Variants in EHMT1 observed in about 807,000 individuals in gnomAD.
The protein encoded by EHMT1 is euchromatic histone lysine methyltransferase 1, also known as histone-lysine N-methyltransferase EHMT1.
Under a neutral mutation model 147.2 loss-of-function variants are expected in EHMT1, and 15 were observed. The ratio of observed to expected loss-of-function variants is 0.10; its 90% CI spans 0.07 to 0.16. EHMT1 has a LOEUF of 0.16. Among genes scored for constraint, EHMT1 ranks in the 10% least tolerant of loss-of-function variants. The pLI is 1.00. For synonymous variants in EHMT1, 795 were observed against 709.6 expected (o/e 1.12, Z -1.91); for missense variants, 1,587 against 1,772.4 (o/e 0.90, Z 1.88).
Position 137,815,508 on chromosome 9 carries a change from G to A in EHMT1, c.3259-439G>A, listed in dbSNP as rs996060762. 4 of 287,078 alleles carry A rather than the reference G, an allele frequency of 1.4e-5. No homozygotes were observed. In the South Asian group the frequency reaches 1.4e-4, roughly 10 times the overall value. The allele number at this position is 287,078 out of a possible 1,614,324, so 17.8% of individuals were successfully genotyped here. A position where few individuals can be genotyped will look rare whatever the true frequency, so the allele number is the denominator to read the frequency against. ...GCTGTACCTGGCCTGGCTTCAGGGG[G>A]GTAGAAAGGGGAGCAGAGGGCTGGG... On this transcript the variant is annotated intron_variant, in intron 22 of 26. Coordinates refer to ENST00000460843, the MANE Select transcript of EHMT1 (RefSeq NM_024757.5).
At chr9:137,675,779 A>ATTT (rs781380107) in intron 1 of EHMT1, among the ~76,000 whole-genome samples, 16 of 95,740 alleles carry the variant, frequency 1.7e-4, no homozygotes, top group Admixed American at 7.3e-4. Context: ...CGCCCGGCTA[A>ATTT]TTTTTTTTTT....
Position 137,754,218 on chromosome 9 carries a change from G to C in EHMT1, c.1296G>C (p.Lys432Asn). The C allele has an allele frequency of 1.2e-6, 2 of 1,614,152 alleles. No individual in the cohort carries two copies. Among genetic ancestry groups the C allele is most frequent in the Non-Finnish European group, 1.7e-6 (2 of 1,180,022 alleles). The part of the protein sequence containing the change: ...IKKKFLKRKG[K>N]TDSPWIKPAR... The stretch of plus-strand genomic sequence containing the variant: ...AGAAATTTCTCAAGAGGAAAGGAAA[G>C]ACCGACAGTCCCTGGATCAAGCCAG... Residue 432 changes from lysine (K) to asparagine (N), a missense_variant, in exon 8 of 27, where the codon AAG (lysine) becomes AAC (asparagine). Physicochemically the swap from Lys to Asn is moderately conservative, Grantham distance 94. This residue lies in a region of EHMT1 where 810 missense variants were observed against 673.0 expected (regional missense o/e 1.20). Coordinates refer to ENST00000460843, the MANE Select transcript of EHMT1 (RefSeq NM_024757.5).
chr9:137,800,149 G>A (rs1003713318), intron 17 of EHMT1, among the ~76,000 whole-genome samples: 2 of 152,254 alleles, frequency 1.3e-5, no homozygotes, highest in Non-Finnish European at 2.9e-5. Context: ...TTTGACGGGT[G>A]CTGGGGAAGA....
At chr9:137,734,608 G>C (rs1188269554) in intron 4 of EHMT1, among the ~76,000 whole-genome samples, 1 of 152,182 alleles carries the variant, frequency 6.6e-6, no homozygotes, top group Non-Finnish European at 1.5e-5. Context: ...AGGGAACCTG[G>C]TGAACTCCAG....
At chr9:137,709,230 C>T (rs1338565186) in intron 1 of EHMT1, among the ~76,000 whole-genome samples, 2 of 152,090 alleles carry the variant, frequency 1.3e-5, no homozygotes, top group Non-Finnish European at 2.9e-5. Flanking sequence ...CGGAGAGCTC[C>T]TGTTGGGGGG....
intron 7 of EHMT1, among the ~76,000 whole-genome samples, 159 bp from the exon 8 acceptor site, chr9:137,754,012 C>T (rs993026882): frequency 3.9e-5 from 6 of 152,266 alleles, no homozygotes; most frequent in Admixed American, 3.3e-4. Flanking sequence ...TGCCTTTAAG[C>T]GTGTGACCCA....
intron 13 of EHMT1, 61 bp downstream of exon 13, chr9:137,778,116 T>G: frequency 1.2e-6 from 2 of 1,601,232 alleles, no homozygotes; most frequent in South Asian, 1.1e-5. Context: ...GCACCCCGCG[T>G]TTTTCCCCAT....
chr9:137,817,927 C>T, intron 24 of EHMT1, 133 bp from the exon 25 acceptor site: 1 of 885,446 alleles, frequency 1.1e-6, no homozygotes, highest in East Asian at 2.5e-5. Context: ...GGGCACACCT[C>T]TCTAAACATG....
intron 1 of EHMT1, among the ~76,000 whole-genome samples, chr9:137,621,399 C>T (rs1842933926): frequency 6.6e-6 from 1 of 152,206 alleles, no homozygotes. Context: ...AATACATTTT[C>T]CTACCAAAAA....
At chr9:137,632,756 A>G (rs1238451243) in intron 1 of EHMT1, among the ~76,000 whole-genome samples, 1 of 152,158 alleles carries the variant, frequency 6.6e-6, no homozygotes, top group Non-Finnish European at 1.5e-5. Context: ...GGCCTAGACC[A>G]CTTCTTCAAG....
intron 1 of EHMT1, among the ~76,000 whole-genome samples, chr9:137,679,991 C>G (rs1006383813): frequency 1.3e-5 from 2 of 152,188 alleles, no homozygotes; most frequent in African/African-American, 4.8e-5. Flanking sequence ...GCCTCAGTGT[C>G]TCAGTGAGTG....
intron 1 of EHMT1, among the ~76,000 whole-genome samples, chr9:137,635,527 T>G (rs999785819): frequency 6.6e-6 from 1 of 151,162 alleles, no homozygotes; most frequent in African/African-American, 2.4e-5. Flanking sequence ...CAGTTTTCTT[T>G]AACATTTTCA....
chr9:137,730,933 ATTTG>A (rs1315897918), intron 4 of EHMT1, among the ~76,000 whole-genome samples: 1 of 152,198 alleles, frequency 6.6e-6, no homozygotes, highest in Non-Finnish European at 1.5e-5. Context: ...ACGTAATTTT[ATTTG>A]TTTGAAACAG....
chr9:137,682,690 C>T (rs1589244555), intron 1 of EHMT1, among the ~76,000 whole-genome samples: 2 of 152,226 alleles, frequency 1.3e-5, no homozygotes, highest in African/African-American at 2.4e-5. Context: ...TTCTGTGTGC[C>T]GCCTTCCCCG....
At chr9:137,766,108 A>G (rs1375751689) in intron 10 of EHMT1, among the ~76,000 whole-genome samples, 2 of 152,162 alleles carry the variant, frequency 1.3e-5, no homozygotes, top group Middle Eastern at 3.4e-3. Context: ...AAACTTAAAC[A>G]GCCTTACAAG....
At position 137,725,888 on chromosome 9, in the gene EHMT1, C is replaced by T. The variant is rs375866862; in HGVS notation, c.643-2461C>T. Among the ~76,000 whole-genome samples the T allele has an allele frequency of 5.5e-4, 84 of 152,262 alleles. 1 individual carries two copies. The highest frequency in any genetic ancestry group is 2.0e-3 in the African/African-American group (81 of 41,526). On this transcript the variant is annotated intron_variant, in intron 3 of 26. Transcript: ENST00000460843. ...GCCAAGCCAGGTGCTACCCTGTTCT[C>T]CTCCGTGTGCTCTTGCCTGGAACTC...
chr9:137,742,076 G>T (rs908112166), intron 4 of EHMT1, among the ~76,000 whole-genome samples: 1 of 152,204 alleles, frequency 6.6e-6, no homozygotes, highest in Non-Finnish European at 1.5e-5. Context: ...TGTTGGCTGT[G>T]TGCTCCGAGC....
At chr9:137,649,406 G>A (rs1845143104) in intron 1 of EHMT1, among the ~76,000 whole-genome samples, 1 of 152,114 alleles carries the variant, frequency 6.6e-6, no homozygotes, top group East Asian at 1.9e-4. Flanking sequence ...GTGGCAGTGA[G>A]CTGAGATCGC....
intron 3 of EHMT1, among the ~76,000 whole-genome samples, chr9:137,727,666 G>T (rs920085428): frequency 1.3e-5 from 2 of 152,294 alleles, no homozygotes; most frequent in East Asian, 3.9e-4. Context: ...AACTATCACA[G>T]GTCTGTAGGT....
Sources: gnomAD v4.1 joint callset for allele counts (sites outside exome capture counted in the v4.1 genomes callset) on GRCh38, gnomAD v4.1.1 for gene constraint, gnomAD v4.1.1 regional missense constraint, MANE v1.5 for transcripts, NCBI Gene and HGNC (gene_info 2026-07-23, HGNC 2026-07-21) for gene names.